PSD3: variants seen among roughly 807,000 people sequenced by gnomAD.
The protein encoded by PSD3 is pleckstrin and Sec7 domain containing 3.
In PSD3, 49 loss-of-function variants were observed where a neutral mutation model predicts 105.5. The observed-to-expected ratio is 0.46, with a 90% confidence interval of 0.37 to 0.59. The LOEUF (loss-of-function observed/expected upper bound fraction) is 0.59. Ranked by LOEUF, PSD3 falls within the 20% of genes least tolerant of loss-of-function variation. The pLI is 0.00. For missense variants in PSD3, 1,561 were observed against 1,263.8 expected (o/e 1.24, Z -3.57); for synonymous variants, 557 against 457.8 (o/e 1.22, Z -2.77).
At chr8:18,746,411 A>C (rs1805026622) in intron 9 of PSD3, among the ~76,000 whole-genome samples, 1 of 152,098 alleles carries the variant, frequency 6.6e-6, no homozygotes, top group African/African-American at 2.4e-5. Flanking sequence ...ACGTGTCCTC[A>C]TTCTTCTTCA....
chr8:18,623,404 G>A (rs914783049), intron 11 of PSD3, among the ~76,000 whole-genome samples: 1 of 123,702 alleles, frequency 8.1e-6, no homozygotes, highest in East Asian at 2.5e-4. Flanking sequence ...TTGAGGCCAA[G>A]AGTTCAAGAC....
chr8:18,992,613 A>C (rs1414002649), intron 1 of PSD3, among the ~76,000 whole-genome samples: 2 of 152,218 alleles, frequency 1.3e-5, no homozygotes. Context: ...AAAGGACTCA[A>C]GTGTGCCCTA....
intron 2 of PSD3, among the ~76,000 whole-genome samples, chr8:18,907,478 T>C (rs1331687034): frequency 6.6e-6 from 1 of 152,170 alleles, no homozygotes. Context: ...CCTGGCCTTT[T>C]ATCTTTTCTA....
At chr8:18,929,439 T>C (rs1256041635) in intron 2 of PSD3, among the ~76,000 whole-genome samples, 2 of 152,076 alleles carry the variant, frequency 1.3e-5, no homozygotes, top group East Asian at 3.9e-4. Flanking sequence ...TGAAAAATCA[T>C]CTGCAGAACA....
At chr8:18,633,009 T>A (rs1373325926) in intron 10 of PSD3, among the ~76,000 whole-genome samples, 1 of 152,028 alleles carries the variant, frequency 6.6e-6, no homozygotes, top group African/African-American at 2.4e-5. Context: ...ATAAGACTGA[T>A]ATTAATATCC....
intron 1 of PSD3, among the ~76,000 whole-genome samples, chr8:18,976,203 CAG>C (rs1824935710): frequency 6.6e-6 from 1 of 152,004 alleles, no homozygotes; most frequent in Non-Finnish European, 1.5e-5. Flanking sequence ...CTTTATTTTA[CAG>C]AGAGCTTATA....
At chr8:18,765,586 G>T in intron 8 of PSD3, 48 bp from the exon 9 acceptor site, 1 of 1,381,278 alleles carries the variant, frequency 7.2e-7, no homozygotes, top group South Asian at 1.2e-5. Flanking sequence ...ATGGAATTAA[G>T]ACTGATTCAT....
chr8:18,913,116 CACACACACT>C (rs1563413113), intron 2 of PSD3, among the ~76,000 whole-genome samples: 8 of 151,518 alleles, frequency 5.3e-5, no homozygotes, highest in South Asian at 2.1e-4. Context: ...CACACACACA[CACACACACT>C]CTCCTTCTCC....
chr8:19,035,998 G>A (rs1007018187), intron 1 of PSD3, among the ~76,000 whole-genome samples: 7 of 151,838 alleles, frequency 4.6e-5, no homozygotes, highest in Admixed American at 4.6e-4. Context: ...CAAGTGATCT[G>A]CATGCCTCAG....
chr8:18,615,579 T>C (rs752084589), intron 11 of PSD3, among the ~76,000 whole-genome samples: 3 of 152,224 alleles, frequency 2.0e-5, no homozygotes, highest in Non-Finnish European at 4.4e-5. Flanking sequence ...ATTTGATAAG[T>C]TCGTTTATGT....
intron 4 of PSD3, among the ~76,000 whole-genome samples, chr8:18,863,982 T>C (rs1245972458): frequency 6.6e-6 from 1 of 152,048 alleles, no homozygotes; most frequent in African/African-American, 2.4e-5. Flanking sequence ...AAAAGAGCAA[T>C]TCAGCCGAGA....
chr8:18,791,009 G>C lies in PSD3; in HGVS notation c.2082+8286C>G, dbSNP rs145800292. Among the ~76,000 whole-genome samples the C allele has an allele frequency of 1.5e-3, 225 of 152,228 alleles. 5 individuals are homozygous for C. Among genetic ancestry groups the C allele is most frequent in the East Asian group, 0.011 (57 of 5,168 alleles). ...AAAGAATAACATACCTAGGAATACA[G>C]CTAACAAGGGAAATGAAGGACCTCT... On this transcript the variant is annotated intron_variant, in intron 8 of 15. Transcript: ENST00000327040.
intron 9 of PSD3, among the ~76,000 whole-genome samples, chr8:18,669,247 G>C (rs780178340): frequency 8.5e-5 from 13 of 152,176 alleles, no homozygotes; most frequent in Admixed American, 6.5e-4. Context: ...TTCTGATACA[G>C]TAGTCTCCCG....
intron 9 of PSD3, among the ~76,000 whole-genome samples, chr8:18,760,197 A>G (rs1806403784): frequency 1.3e-5 from 2 of 152,104 alleles, no homozygotes; most frequent in Non-Finnish European, 2.9e-5. Context: ...GAGTACACAT[A>G]CATACTGTAC....
chr8:18,892,175 T>TCTCACA (rs141172188), intron 2 of PSD3, among the ~76,000 whole-genome samples: 1 of 149,864 alleles, frequency 6.7e-6, no homozygotes, highest in Non-Finnish European at 1.5e-5. Context: ...TTACTTACAA[T>TCTCACA]CACACACACA....
At chr8:18,728,915 T>G (rs555815019) in intron 9 of PSD3, among the ~76,000 whole-genome samples, 1 of 152,312 alleles carries the variant, frequency 6.6e-6, no homozygotes, top group South Asian at 2.1e-4. Context: ...TCAGTTCTGC[T>G]TCTCAGTTAT....
chr8:19,001,269 C>CT (rs1403202159), intron 1 of PSD3, among the ~76,000 whole-genome samples: 1 of 151,360 alleles, frequency 6.6e-6, no homozygotes, highest in African/African-American at 2.4e-5. Context: ...TAAATTTTTT[C>CT]TTTTTTGTAG....
chr8:18,995,860 C>A lies in PSD3; in HGVS notation c.21+17703G>T, dbSNP rs925840433. Reference sequence around the variant, plus strand: ...CCCCCATGATTCAATTACCTCCCACCAGGTCCCTCCCATGACACGTGGGGA... The same window carrying A: ...CCCCCATGATTCAATTACCTCCCACAAGGTCCCTCCCATGACACGTGGGGA... On this transcript the variant is annotated intron_variant, in intron 1 of 15. Coordinates refer to ENST00000327040, the MANE Select transcript of PSD3 (RefSeq NM_015310.4). Among the ~76,000 whole-genome samples the A allele has an allele frequency of 6.6e-5, 10 of 152,072 alleles. 1 individual carries two copies. Among genetic ancestry groups the A allele is most frequent in the Admixed American group, 5.9e-4 (9 of 15,276 alleles).
intron 1 of PSD3, among the ~76,000 whole-genome samples, chr8:19,059,309 C>T (rs1414430933): frequency 6.6e-6 from 1 of 152,228 alleles, no homozygotes; most frequent in Non-Finnish European, 1.5e-5. Context: ...ACCCCCTTTA[C>T]CTGCGTAGGA....
Sources: gnomAD v4.1 joint callset for allele counts (sites outside exome capture counted in the v4.1 genomes callset) on GRCh38, gnomAD v4.1.1 for gene constraint, MANE v1.5 for transcripts, NCBI Gene and HGNC (gene_info 2026-07-23, HGNC 2026-07-21) for gene names.